Variants in NAA35 observed in about 807,000 individuals in gnomAD.
NAA35 encodes the protein MAK10 homolog, amino-acid N-acetyltransferase subunit.
Under a neutral mutation model 101.7 loss-of-function variants are expected in NAA35, and 18 were observed. That is an observed-to-expected ratio of 0.18 (90% CI 0.12 to 0.26). The LOEUF (loss-of-function observed/expected upper bound fraction) is 0.26, where lower values mean the gene tolerates loss of function less well. Ranked by LOEUF, NAA35 falls within the 10% of genes least tolerant of loss-of-function variation. The pLI is 1.00. For missense variants in NAA35, 601 were observed against 886.8 expected (o/e 0.68, Z 4.09); for synonymous variants, 267 against 273.1 (o/e 0.98, Z 0.22).
chr9:86,021,781 C>A, intron 22 of NAA35, 120 bp from the exon 23 acceptor site: 1 of 785,866 alleles, frequency 1.3e-6, no homozygotes. Flanking sequence ...TTTTTAAAAT[C>A]TATTTTGTGC....
intron 11 of NAA35, chr9:85,986,825 A>C: frequency 8.6e-6 from 2 of 233,034 alleles, no homozygotes; most frequent in South Asian, 1.0e-4. Context: ...TCCTGACCTC[A>C]AGTGATCCGC....
chr9:86,009,461 T>C (rs1831801950), intron 14 of NAA35, among the ~76,000 whole-genome samples: 1 of 152,266 alleles, frequency 6.6e-6, no homozygotes, highest in Admixed American at 6.5e-5. Context: ...GGAGTGGGGA[T>C]ACAGAAAAAA....
At chr9:85,945,939 T>C (rs1046478891) in intron 2 of NAA35, among the ~76,000 whole-genome samples, 1 of 152,172 alleles carries the variant, frequency 6.6e-6, no homozygotes, top group African/African-American at 2.4e-5. Context: ...ATACAAACTT[T>C]CAACTTTTAT....
chr9:86,008,606 A>G (rs958630844), intron 14 of NAA35, among the ~76,000 whole-genome samples: 1 of 152,230 alleles, frequency 6.6e-6, no homozygotes, highest in Non-Finnish European at 1.5e-5. Flanking sequence ...TTTATTTCCC[A>G]TGTTAGCAAT....
In NAA35 at chr9:86,023,707, A is replaced by G. The variant is rs1439160554; in HGVS notation, c.*1747A>G. Among the ~76,000 whole-genome samples the G allele has an allele frequency of 6.6e-6, 1 of 152,248 alleles. No individual in the cohort carries two copies. Among genetic ancestry groups the G allele is most frequent in the Non-Finnish European group, 1.5e-5 (1 of 68,044 alleles). On this transcript the variant is annotated 3_prime_UTR_variant, in exon 23 of 23. Coordinates refer to ENST00000361671, the MANE Select transcript of NAA35 (RefSeq NM_024635.4). ...ATTGGGTCTGCTGGTATAGACGAGC[A>G]TCTAGGTTATTTTGAAGTAGGTCTT...
chr9:86,017,458 A>G, intron 18 of NAA35, 40 bp from the exon 19 acceptor site: 1 of 1,588,108 alleles, frequency 6.3e-7, no homozygotes, highest in South Asian at 1.1e-5. Flanking sequence ...AGGGAGGAGG[A>G]AAAGATTATG....
In NAA35 at chr9:85,958,574, A is replaced by G; in HGVS notation, c.261A>G (p.Glu87=). 1.2e-6 allele frequency: 2 copies of G among 1,608,772 alleles called. No homozygotes were observed. Among genetic ancestry groups the G allele is most frequent in the Non-Finnish European group, 1.7e-6 (2 of 1,176,550 alleles). ...NQVNRKVLNF[E]QAIKDGTIKI... ...TTAATCGAAAAGTTCTCAATTTTGA[A>G]CAAGCTATCAAGGTAGTTACCATTG... Residue 87 remains glutamate, a synonymous_variant, in exon 4 of 23, where the codon GAA becomes GAG. Transcript: ENST00000361671.
intron 10 of NAA35, 108 bp downstream of exon 10, chr9:85,977,554 A>T: frequency 1.4e-6 from 1 of 716,760 alleles, no homozygotes. Flanking sequence ...GATCCCAGAT[A>T]TACAGAACTC....
At position 85,958,530 on chromosome 9, in the gene NAA35, G is replaced by A; in HGVS notation, c.217G>A (p.Gly73Ser). The change falls in exon 4 of 23, where the codon GGC (glycine) becomes AGC (serine). Residue 73 changes from glycine to serine, a missense_variant. Transcript: ENST00000361671. The part of the protein sequence containing the change: ...IEMMDPKMDA[G>S]MIGNQVNRKV... ...AATGATGGATCCCAAGATGGATGCT[G>A]GCATGATTGGAAACCAAGTTAATCG... The A allele has an allele frequency of 6.2e-7, 1 of 1,611,124 alleles. No homozygotes were observed. The highest frequency in any genetic ancestry group is 8.5e-7 in the Non-Finnish European group (1 of 1,178,314).
Position 85,958,598 on chromosome 9 carries a change from TG to T in NAA35, c.273+13del. On this transcript the variant is annotated intron_variant, in intron 4 of 22. Coordinates refer to ENST00000361671, the MANE Select transcript of NAA35 (RefSeq NM_024635.4). ...AACAAGCTATCAAGGTAGTTACCAT[TG>T]TACTTTTTGTGTTTCCATTTATCTT... is the stretch of plus-strand genomic sequence containing the variant. 6.5e-7 allele frequency: 1 copy of T among 1,545,708 alleles called. No individual in the cohort carries two copies. Among genetic ancestry groups the T allele is most frequent in the Non-Finnish European group, 8.9e-7 (1 of 1,129,336 alleles).
chr9:85,980,679 A>G (rs932649947), intron 11 of NAA35, among the ~76,000 whole-genome samples: 1 of 152,178 alleles, frequency 6.6e-6, no homozygotes, highest in Non-Finnish European at 1.5e-5. Context: ...TGCTTGGCAT[A>G]TTGTTGGCAC....
chr9:85,980,902 A>G (rs1245675632), intron 11 of NAA35, among the ~76,000 whole-genome samples: 1 of 152,110 alleles, frequency 6.6e-6, no homozygotes, highest in Non-Finnish European at 1.5e-5. Context: ...AATTAGTGTT[A>G]CCCAGTTGTC....
chr9:85,956,452 T>A lies in NAA35; in HGVS notation c.158+59T>A, dbSNP rs182622237. On this transcript the variant is annotated intron_variant, in intron 3 of 22. Transcript: ENST00000361671. The stretch of plus-strand genomic sequence containing the variant: ...AATGTTTCAGTCTGTTTTTTTTTCC[T>A]CATGTGGAGTAATATTCCCTGAAGT... 8.9e-5 allele frequency: 87 copies of A among 976,352 alleles called. No homozygotes were observed. The African/African-American group carries it at 1.4e-3, about 16-fold the overall frequency. The allele number at this position is 976,352 out of a possible 1,614,324, so 60.5% of individuals were successfully genotyped here. A position where few individuals can be genotyped will look rare whatever the true frequency, so the allele number is the denominator to read the frequency against.
intron 3 of NAA35, 34 bp downstream of exon 3, chr9:85,956,427 A>G: frequency 1.6e-6 from 2 of 1,286,570 alleles, no homozygotes; most frequent in Non-Finnish European, 2.1e-6. Context: ...AGTGTAGTGT[A>G]ATGTTTCAGT....
At chr9:86,004,260 A>G (rs992643680) in intron 13 of NAA35, among the ~76,000 whole-genome samples, 3 of 152,258 alleles carry the variant, frequency 2.0e-5, no homozygotes, top group Non-Finnish European at 4.4e-5. Flanking sequence ...GCACACCATC[A>G]TGCCTAGCTA....
intron 6 of NAA35, among the ~76,000 whole-genome samples, chr9:85,967,768 C>T (rs1829825733): frequency 6.6e-6 from 1 of 151,316 alleles, no homozygotes; most frequent in Non-Finnish European, 1.5e-5. Flanking sequence ...TGCCACTGCA[C>T]TCCAGCCTGG....
In NAA35 at chr9:85,983,668, G is replaced by A. The variant is rs533494355; in HGVS notation, c.877+5287G>A. Among the ~76,000 whole-genome samples, 11 of 152,216 alleles carry A rather than the reference G, an allele frequency of 7.2e-5. No homozygotes were observed. The South Asian group carries it at 8.3e-4, about 11-fold the overall frequency. On this transcript the variant is annotated intron_variant, in intron 11 of 22. Coordinates refer to ENST00000361671, the MANE Select transcript of NAA35 (RefSeq NM_024635.4). ...GAGATTGAAAATAGAAGAGCACGGC[G>A]GGTGGGGGCCAAGGGGAGGGATAGC...
intron 2 of NAA35, among the ~76,000 whole-genome samples, chr9:85,953,449 C>T (rs1346666856): frequency 1.3e-5 from 2 of 152,104 alleles, no homozygotes; most frequent in Non-Finnish European, 2.9e-5. Flanking sequence ...CTTTTTGAGA[C>T]AGAATTTCAC....
chr9:85,951,485 T>G (rs1161990669), intron 2 of NAA35, among the ~76,000 whole-genome samples: 2 of 152,232 alleles, frequency 1.3e-5, no homozygotes, highest in South Asian at 2.1e-4. Flanking sequence ...AGTTGCAGTC[T>G]GGAATCTGAA....
Sources: gnomAD v4.1 joint callset for allele counts (sites outside exome capture counted in the v4.1 genomes callset) on GRCh38, gnomAD v4.1.1 for gene constraint, MANE v1.5 for transcripts, NCBI Gene and HGNC (gene_info 2026-07-23, HGNC 2026-07-21) for gene names.